Variants in PON3 observed in about 807,000 individuals in gnomAD.
The protein encoded by PON3 is paraoxonase 3, also known as serum paraoxonase/lactonase 3.
A neutral mutation model predicts 36.3 loss-of-function variants in PON3; 37 were observed. The observed-to-expected ratio is 1.02, with a 90% confidence interval of 0.78 to 1.34. The LOEUF is 1.34. Among genes scored for constraint, PON3 ranks in the 40% most tolerant of loss-of-function variants. PON3 has a pLI of 0.00. For synonymous variants in PON3, 155 were observed against 154.8 expected (o/e 1.00, Z -0.01); for missense variants, 415 against 426.5 (o/e 0.97, Z 0.24).
At chr7:95,383,219 A>G (rs1169571309) in intron 3 of PON3, among the ~76,000 whole-genome samples, 1 of 152,230 alleles carries the variant, frequency 6.6e-6, no homozygotes, top group Non-Finnish European at 1.5e-5. Context: ...AATAAGAGCT[A>G]TCTATGACAA....
chr7:95,379,731 G>A (rs113234401), intron 3 of PON3, among the ~76,000 whole-genome samples: 4,275 of 152,306 alleles, frequency 0.028, 115 homozygotes, highest in African/African-American at 0.068. Context: ...GGAGCCCACC[G>A]CAGCTCAAGG....
At chr7:95,387,692 G>A (rs1001279079) in intron 3 of PON3, among the ~76,000 whole-genome samples, 3 of 152,186 alleles carry the variant, frequency 2.0e-5, no homozygotes, top group African/African-American at 7.2e-5. Context: ...TCAGGAAAAA[G>A]AACAAAGCTG....
intron 1 of PON3, chr7:95,395,918 A>G (rs1809422121): frequency 2.9e-6 from 1 of 347,566 alleles, no homozygotes; most frequent in Admixed American, 3.8e-5. Context: ...CCTCTCTCCC[A>G]AGTCCGGCGT....
At chr7:95,387,049 GGAAGCATT>G (rs1809208607) in intron 3 of PON3, among the ~76,000 whole-genome samples, 1 of 152,088 alleles carries the variant, frequency 6.6e-6, no homozygotes, top group African/African-American at 2.4e-5. Context: ...GGCAAAAACT[GGAAGCATT>G]CCATTTGAAA....
intron 5 of PON3, chr7:95,364,694 T>C (rs1177307273): frequency 6.4e-6 from 1 of 156,788 alleles, no homozygotes; most frequent in Non-Finnish European, 1.4e-5. Context: ...ATAACAAACC[T>C]TGGCAGTTTT....
At chr7:95,386,342 T>C (rs1376525684) in intron 3 of PON3, among the ~76,000 whole-genome samples, 1 of 152,136 alleles carries the variant, frequency 6.6e-6, no homozygotes, top group Non-Finnish European at 1.5e-5. Flanking sequence ...CATCAGAGAA[T>C]ACTAAAAACA....
intron 8 of PON3, among the ~76,000 whole-genome samples, chr7:95,360,740 TTCAC>T (rs1808548529): frequency 6.6e-6 from 1 of 152,174 alleles, no homozygotes; most frequent in Non-Finnish European, 1.5e-5. Flanking sequence ...CTGGATGAAG[TTCAC>T]TCAAACAAAA....
At position 95,387,569 on chromosome 7, in the gene PON3, T is replaced by TA. The variant is rs1309459260; in HGVS notation, c.201+2584dup. ...TGGCCATACTGCCCACGGTAATTTA[T>TA]AGATTCAGTGTCATCCCCATCAAGC... On this transcript the variant is annotated intron_variant, in intron 3 of 8. Coordinates refer to ENST00000265627, the MANE Select transcript of PON3 (RefSeq NM_000940.3). Among the ~76,000 whole-genome samples the TA allele has an allele frequency of 7.2e-5, 11 of 152,312 alleles. No homozygotes were observed. In the East Asian group the frequency reaches 1.9e-3, roughly 27 times the overall value.
chr7:95,384,779 G>A (rs1360458943), intron 3 of PON3, among the ~76,000 whole-genome samples: 1 of 152,180 alleles, frequency 6.6e-6, no homozygotes, highest in Non-Finnish European at 1.5e-5. Flanking sequence ...CCTTGTGGAA[G>A]ACAGTGTGGC....
At position 95,390,695 on chromosome 7, in the gene PON3, T is replaced by C. The variant is rs10429065; in HGVS notation, c.146-486A>G. On this transcript the variant is annotated intron_variant, in intron 2 of 8. Coordinates refer to ENST00000265627, the MANE Select transcript of PON3 (RefSeq NM_000940.3). Reference sequence around the variant, plus strand: ...ACAATCATATTGGGAAATTATTGAGTAATAAACTAATGAGTATAAATGAAT... The same window carrying C: ...ACAATCATATTGGGAAATTATTGAGCAATAAACTAATGAGTATAAATGAAT... Among the ~76,000 whole-genome samples, 634 of 152,318 alleles carry C rather than the reference T, an allele frequency of 4.2e-3. 8 individuals are homozygous for C. The highest frequency in any genetic ancestry group is 0.014 in the African/African-American group (591 of 41,568).
intron 3 of PON3, among the ~76,000 whole-genome samples, chr7:95,388,171 AAAT>A (rs767019182): frequency 5.9e-5 from 9 of 152,218 alleles, no homozygotes; most frequent in Non-Finnish European, 1.2e-4. Flanking sequence ...GAATGGGAGA[AAAT>A]TTTTGCAATC....
At chr7:95,360,401 G>A (rs894003933) in intron 8 of PON3, among the ~76,000 whole-genome samples, 4 of 152,134 alleles carry the variant, frequency 2.6e-5, no homozygotes, top group Non-Finnish European at 5.9e-5. Context: ...AAGGAGTTAA[G>A]ATGCTCTTAT....
intron 3 of PON3, among the ~76,000 whole-genome samples, chr7:95,388,345 T>C (rs1809247363): frequency 6.6e-6 from 1 of 152,164 alleles, no homozygotes; most frequent in African/African-American, 2.4e-5. Context: ...TAAATGCTCA[T>C]CATCACTGGT....
chr7:95,375,888 T>G lies in PON3; in HGVS notation c.202-3550A>C, dbSNP rs541040794. Among the ~76,000 whole-genome samples, 5 of 152,328 alleles carry G rather than the reference T, an allele frequency of 3.3e-5. 1 individual carries two copies. Among genetic ancestry groups the G allele is most frequent in the African/African-American group, 1.2e-4 (5 of 41,582 alleles). On this transcript the variant is annotated intron_variant, in intron 3 of 8. Coordinates refer to ENST00000265627, the MANE Select transcript of PON3 (RefSeq NM_000940.3). ...AAATCATCATCTAGACATGCAGGAATCTTATTTTTCCCAACAAACTACAGG... is the reference window on the plus strand; with the variant it reads ...AAATCATCATCTAGACATGCAGGAAGCTTATTTTTCCCAACAAACTACAGG...
chr7:95,382,556 C>G (rs147912831), intron 3 of PON3, among the ~76,000 whole-genome samples: 4,253 of 152,312 alleles, frequency 0.028, 115 homozygotes, highest in African/African-American at 0.068. Flanking sequence ...AAACTACCAT[C>G]ACAGGATACT....
intron 4 of PON3, among the ~76,000 whole-genome samples, chr7:95,368,497 G>A (rs978189870): frequency 2.0e-5 from 3 of 152,168 alleles, no homozygotes; most frequent in Admixed American, 1.3e-4. Context: ...GCCCCAACAC[G>A]GACCTTCAGT....
chr7:95,393,862 T>C (rs1462503822), intron 2 of PON3, among the ~76,000 whole-genome samples: 1 of 152,168 alleles, frequency 6.6e-6, no homozygotes, highest in Non-Finnish European at 1.5e-5. Context: ...TATGAATTTT[T>C]TTAAAAGAAG....
intron 1 of PON3, among the ~76,000 whole-genome samples, chr7:95,395,537 C>T (rs1387367806): frequency 6.6e-6 from 1 of 152,172 alleles, no homozygotes; most frequent in African/African-American, 2.4e-5. Context: ...TCAACAGATT[C>T]TAGACGTGAT....
chr7:95,378,689 C>T (rs538747289), intron 3 of PON3, among the ~76,000 whole-genome samples: 12 of 152,178 alleles, frequency 7.9e-5, no homozygotes, highest in Non-Finnish European at 1.8e-4. Flanking sequence ...AAATCCTTTA[C>T]AGACAACAAA....
Sources: allele counts gnomAD v4.1 joint callset (sites outside exome capture counted in the v4.1 genomes callset), GRCh38; gene constraint gnomAD v4.1.1; transcripts MANE v1.5; gene names NCBI Gene and HGNC (gene_info 2026-07-23, HGNC 2026-07-21).